CFAP299: variants seen among roughly 807,000 people sequenced by gnomAD.
The protein encoded by CFAP299 is cilia- and flagella-associated protein 299.
Under a neutral mutation model 27.0 loss-of-function variants are expected in CFAP299, and 21 were observed. The observed-to-expected ratio is 0.78, with a 90% CI of 0.55 to 1.12. CFAP299 has a LOEUF of 1.12. Ranked by LOEUF, CFAP299 falls within the 50% of genes most tolerant of loss-of-function variation. CFAP299 has a pLI of 0.00. For missense variants in CFAP299, 310 were observed against 276.6 expected (o/e 1.12, Z -0.86); for synonymous variants, 104 against 98.1 (o/e 1.06, Z -0.36).
chr4:80,766,634 T>A (rs1333474234), intron 3 of CFAP299, among the ~76,000 whole-genome samples: 1 of 152,216 alleles, frequency 6.6e-6, no homozygotes, highest in East Asian at 1.9e-4. Flanking sequence ...TCTTCAGGCC[T>A]TTTGACTCCA....
chr4:80,703,299 T>C (rs1721623485), intron 3 of CFAP299, among the ~76,000 whole-genome samples: 1 of 151,778 alleles, frequency 6.6e-6, no homozygotes, highest in Non-Finnish European at 1.5e-5. Context: ...CTACCTTGCC[T>C]TATCTATCTT....
At chr4:80,576,672 T>C (rs1349924747) in intron 2 of CFAP299, among the ~76,000 whole-genome samples, 1 of 152,170 alleles carries the variant, frequency 6.6e-6, no homozygotes, top group African/African-American at 2.4e-5. Flanking sequence ...ACATTATAGA[T>C]TTTGTATAAT....
At chr4:80,631,039 T>C (rs559889932) in intron 3 of CFAP299, among the ~76,000 whole-genome samples, 1 of 152,068 alleles carries the variant, frequency 6.6e-6, no homozygotes, top group Non-Finnish European at 1.5e-5. Flanking sequence ...TAAAATATAG[T>C]TGTTTCCTTT....
At chr4:80,797,190 C>T (rs1190732454) in intron 3 of CFAP299, among the ~76,000 whole-genome samples, 1 of 152,076 alleles carries the variant, frequency 6.6e-6, no homozygotes, top group Non-Finnish European at 1.5e-5. Flanking sequence ...CTGAAGGTCC[C>T]CTTGGGGAAG....
chr4:80,750,558 G>T (rs895078250), intron 3 of CFAP299, among the ~76,000 whole-genome samples: 2 of 152,096 alleles, frequency 1.3e-5, no homozygotes, highest in African/African-American at 4.8e-5. Flanking sequence ...AAAACATAGT[G>T]GTCATTAATT....
At chr4:80,952,860 G>T (rs1163044334) in intron 5 of CFAP299, among the ~76,000 whole-genome samples, 1 of 152,016 alleles carries the variant, frequency 6.6e-6, no homozygotes, top group South Asian at 2.1e-4. Context: ...TGCTTCTGAG[G>T]TCGTTGGCTT....
chr4:80,476,991 C>G (rs1335302997), intron 2 of CFAP299, among the ~76,000 whole-genome samples: 2 of 151,468 alleles, frequency 1.3e-5, no homozygotes, highest in African/African-American at 2.4e-5. Context: ...GTGTCTTCCC[C>G]AACTTTCCTC....
chr4:80,824,441 G>A (rs1729874852), intron 3 of CFAP299, among the ~76,000 whole-genome samples: 1 of 152,046 alleles, frequency 6.6e-6, no homozygotes, highest in Admixed American at 6.6e-5. Flanking sequence ...CAGACACATA[G>A]GTAGGCAGCT....
At chr4:80,333,303 T>G (rs1312225542), upstream of CFAP299, among the ~76,000 whole-genome samples, 1 of 152,118 alleles carries the variant, frequency 6.6e-6, no homozygotes, top group Non-Finnish European at 1.5e-5. Context: ...GCAAAAAAGC[T>G]CTCCTTGGCT....
At chr4:80,496,922 A>G (rs1731474134) in intron 2 of CFAP299, among the ~76,000 whole-genome samples, 1 of 152,154 alleles carries the variant, frequency 6.6e-6, no homozygotes, top group African/African-American at 2.4e-5. Flanking sequence ...GGTAGGTGCC[A>G]CAGTTTTAAA....
intron 2 of CFAP299, among the ~76,000 whole-genome samples, chr4:80,539,432 A>G (rs1483127312): frequency 2.0e-5 from 3 of 152,142 alleles, no homozygotes; most frequent in Non-Finnish European, 2.9e-5. Flanking sequence ...TGTGTTTTTC[A>G]TGGGAAAGTC....
intron 3 of CFAP299, among the ~76,000 whole-genome samples, chr4:80,784,548 G>A (rs537222133): frequency 5.4e-5 from 8 of 148,642 alleles, no homozygotes; most frequent in South Asian, 2.1e-4. Flanking sequence ...ACGGAGTTTC[G>A]CTCTTGTTGC....
At chr4:80,374,137 A>G (rs990503358) in intron 2 of CFAP299, among the ~76,000 whole-genome samples, 1 of 152,186 alleles carries the variant, frequency 6.6e-6, no homozygotes, top group Non-Finnish European at 1.5e-5. Context: ...GGTCCGTACC[A>G]GAATGCAATG....
At chr4:80,548,766 A>T (rs189850832) in intron 2 of CFAP299, among the ~76,000 whole-genome samples, 7 of 152,118 alleles carry the variant, frequency 4.6e-5, no homozygotes, top group African/African-American at 1.4e-4. Flanking sequence ...GCTATCTTCT[A>T]TAATAAAATT....
At chr4:80,937,126 C>T (rs1238077600) in intron 4 of CFAP299, among the ~76,000 whole-genome samples, 3 of 151,784 alleles carry the variant, frequency 2.0e-5, no homozygotes, top group Admixed American at 6.6e-5. Flanking sequence ...CATTTAGGTG[C>T]TCCCGCATTG....
At chr4:80,929,455 G>A (rs1176063659) in intron 4 of CFAP299, among the ~76,000 whole-genome samples, 1 of 151,940 alleles carries the variant, frequency 6.6e-6, no homozygotes, top group Non-Finnish European at 1.5e-5. Flanking sequence ...AGTCTCTATG[G>A]CATCACTATC....
At chr4:80,917,314 A>G (rs1333219287) in intron 4 of CFAP299, among the ~76,000 whole-genome samples, 1 of 152,182 alleles carries the variant, frequency 6.6e-6, no homozygotes, top group African/African-American at 2.4e-5. Context: ...GATACTGTCA[A>G]TATGGATTAG....
At chr4:80,451,386 G>A (rs1001442805) in intron 2 of CFAP299, among the ~76,000 whole-genome samples, 2 of 152,066 alleles carry the variant, frequency 1.3e-5, no homozygotes, top group East Asian at 3.9e-4. Flanking sequence ...TCACATTTTG[G>A]GGTTAGGACA....
intron 1 of CFAP299, among the ~76,000 whole-genome samples, chr4:80,355,569 G>T (rs898658785): frequency 2.0e-5 from 3 of 151,950 alleles, no homozygotes; most frequent in Non-Finnish European, 4.4e-5. Context: ...ATTTGGACAG[G>T]CTGGTCTCGA....
Sources: allele counts gnomAD v4.1 joint callset (sites outside exome capture counted in the v4.1 genomes callset), GRCh38; gene constraint gnomAD v4.1.1; transcripts MANE v1.5; gene names NCBI Gene and HGNC (gene_info 2026-07-23, HGNC 2026-07-21).